The following SLC18A2 variants were observed in gnomAD, a reference collection of about 807,000 sequenced individuals.
The protein encoded by SLC18A2 is solute carrier family 18 member A2.
A neutral mutation model predicts 59.2 loss-of-function variants in SLC18A2; 33 were observed. The ratio of observed to expected loss-of-function variants is 0.56; its 90% CI spans 0.42 to 0.75. The LOEUF is 0.75. Ranked by LOEUF, SLC18A2 falls within the 30% of genes least tolerant of loss-of-function variation. The pLI, the probability that SLC18A2 is intolerant of heterozygous loss-of-function variation, is 0.00. For missense variants in SLC18A2, 569 were observed against 668.6 expected, an observed-to-expected ratio of 0.85 and a Z score of 1.64; for synonymous variants, 228 against 253.5, an observed-to-expected ratio of 0.90 and a Z score of 0.95.
chr10:117,268,098 A>C, intron 13 of SLC18A2: 1 of 201,198 alleles, frequency 5.0e-6, no homozygotes, highest in East Asian at 1.0e-4. Flanking sequence ...TCACATATGT[A>C]TTTTGAAGAG....
chr10:117,255,867 T>A (rs763585616), intron 9 of SLC18A2, among the ~76,000 whole-genome samples: 4 of 152,224 alleles, frequency 2.6e-5, no homozygotes, highest in African/African-American at 4.8e-5. Context: ...CCTTTTTGTC[T>A]CATTTGGGGA....
At chr10:117,245,831 G>A (rs895771602) in intron 3 of SLC18A2, among the ~76,000 whole-genome samples, 2 of 152,150 alleles carry the variant, frequency 1.3e-5, no homozygotes, top group Admixed American at 1.3e-4. Context: ...TCGGACAGGA[G>A]CACATTCTCA....
chr10:117,261,971 G>A (rs377631651), intron 10 of SLC18A2, among the ~76,000 whole-genome samples: 35 of 151,890 alleles, frequency 2.3e-4, no homozygotes, highest in African/African-American at 8.2e-4. Flanking sequence ...GCAGTGGCAC[G>A]ATCTCAGCTC....
chr10:117,278,812 G>A lies in SLC18A2; in HGVS notation c.*1546G>A, dbSNP rs771297399. On this transcript the variant is annotated 3_prime_UTR_variant, in exon 16 of 16. Transcript: ENST00000644641. ...TAAGTGCAGTGTGTTTGAAGCAAAC[G>A]AACTTCCAACTCACTTATTTGGCAT... The A allele has an allele frequency of 6.6e-6, 1 of 152,152 alleles. No homozygotes were observed. The highest frequency in any genetic ancestry group is 6.5e-5 in the Admixed American group (1 of 15,268). 9.4% of individuals were successfully genotyped at this position (152,152 alleles called of 1,614,324 possible).
Position 117,255,299 on chromosome 10 carries a change from G to C in SLC18A2, c.723G>C (p.Val241=), listed in dbSNP as rs1311600129. Residue 241 remains valine, a synonymous_variant, in exon 7 of 16, where the codon GTG becomes GTC. Transcript: ENST00000644641. ...CAGTGGGCCCCCCCTTCGGGAGTGT[G>C]CTCTATGAGTTTGTGGGGAAGACGG... is the stretch of plus-strand genomic sequence containing the variant. ...GVLVGPPFGS[V]LYEFVGKTAP... 2.5e-6 allele frequency: 4 copies of C among 1,614,244 alleles called. No homozygotes were observed. Among genetic ancestry groups the C allele is most frequent in the Non-Finnish European group, 3.4e-6 (4 of 1,180,038 alleles).
At position 117,244,282 on chromosome 10, in the gene SLC18A2, A is replaced by C. The variant is rs1316167239; in HGVS notation, c.433A>C (p.Thr145Pro). ...FASKATVQLI[T>P]NPFIGLLTNR... ...CTCGAAAGCCACCGTCCAGCTCATC[A>C]CCAACCCTTTCATAGGACTACTGAC... Residue 145 changes from threonine to proline, a missense_variant, in exon 3 of 16, where the codon ACC becomes CCC. Coordinates refer to ENST00000644641, the MANE Select transcript of SLC18A2 (RefSeq NM_003054.6). 6.2e-7 allele frequency: 1 copy of C among 1,614,124 alleles called. No individual in the cohort carries two copies. The highest frequency in any genetic ancestry group is 1.7e-5 in the Admixed American group (1 of 60,002).
At chr10:117,262,030 C>T (rs1179941690) in intron 10 of SLC18A2, among the ~76,000 whole-genome samples, 1 of 152,158 alleles carries the variant, frequency 6.6e-6, no homozygotes, top group Admixed American at 6.5e-5. Flanking sequence ...GCCTCAGCCT[C>T]CTGAGTAGCT....
intron 3 of SLC18A2, among the ~76,000 whole-genome samples, chr10:117,246,183 A>G (rs1565001472): frequency 1.3e-5 from 2 of 152,206 alleles, no homozygotes; most frequent in Non-Finnish European, 2.9e-5. Context: ...CAGCTCAAAT[A>G]TTGTATGTGA....
At chr10:117,243,897 A>T in intron 2 of SLC18A2, 74 bp from the exon 3 acceptor site, 2 of 1,233,450 alleles carry the variant, frequency 1.6e-6, no homozygotes, top group Non-Finnish European at 2.3e-6. Context: ...ACACAACCAT[A>T]GTTTTTTGCT....
intron 3 of SLC18A2, among the ~76,000 whole-genome samples, chr10:117,252,142 T>G (rs1478748482): frequency 7.8e-6 from 1 of 128,320 alleles, no homozygotes; most frequent in African/African-American, 3.8e-5. Flanking sequence ...GTATTTTTTT[T>G]TTTTTTTTTT....
At chr10:117,254,679 G>C (rs564279507) in intron 6 of SLC18A2, among the ~76,000 whole-genome samples, 182 bp downstream of exon 6, 1 of 152,152 alleles carries the variant, frequency 6.6e-6, no homozygotes, top group Non-Finnish European at 1.5e-5. Flanking sequence ...TGAGCTGGGG[G>C]TGGAGGGGAT....
intron 3 of SLC18A2, among the ~76,000 whole-genome samples, chr10:117,250,524 A>G (rs1844151877): frequency 6.6e-6 from 1 of 152,258 alleles, no homozygotes; most frequent in Admixed American, 6.5e-5. Flanking sequence ...AAGAAAACAC[A>G]GTACCTCAAA....
rs374132735 is a variant in SLC18A2, at chr10:117,244,012, A to C, written c.163A>C (p.Lys55Gln). ...PSYLYSIKHE[K>Q]NATEIQTARP... ...TTATCTGTACAGCATTAAGCATGAGAAGAATGCTACAGAAATCCAGACGGC... is the reference window on the plus strand; with the variant it reads ...TTATCTGTACAGCATTAAGCATGAGCAGAATGCTACAGAAATCCAGACGGC... Residue 55 changes from lysine to glutamine, a missense_variant, in exon 3 of 16, where the codon AAG becomes CAG. Physicochemically the swap from Lys to Gln is moderately conservative, Grantham distance 53. Coordinates refer to ENST00000644641, the MANE Select transcript of SLC18A2 (RefSeq NM_003054.6). 8 of 1,613,948 alleles carry C rather than the reference A, an allele frequency of 5.0e-6. No homozygotes were observed. Among genetic ancestry groups the C allele is most frequent in the Admixed American group, 1.7e-5 (1 of 59,994 alleles).
chr10:117,250,316 T>G (rs1175020327), intron 3 of SLC18A2, among the ~76,000 whole-genome samples: 1 of 152,200 alleles, frequency 6.6e-6, no homozygotes. Flanking sequence ...AGCCTGGTTG[T>G]ATCTGAAGCC....
At chr10:117,268,646 A>C (rs1589984750) in intron 13 of SLC18A2, 1 of 152,480 alleles carries the variant, frequency 6.6e-6, no homozygotes, top group African/African-American at 2.4e-5. Flanking sequence ...CTTGTCCCTC[A>C]CCACTCAGCA....
At chr10:117,273,802 C>T (rs956299631) in intron 15 of SLC18A2, among the ~76,000 whole-genome samples, 1 of 152,124 alleles carries the variant, frequency 6.6e-6, no homozygotes, top group South Asian at 2.1e-4. Context: ...GGTTCACTAC[C>T]CCAGCTTTGT....
At chr10:117,274,997 C>T (rs1386635533) in intron 15 of SLC18A2, among the ~76,000 whole-genome samples, 1 of 152,144 alleles carries the variant, frequency 6.6e-6, no homozygotes, top group African/African-American at 2.4e-5. Context: ...GAGGACAGGG[C>T]CCTCAAATTT....
Position 117,278,141 on chromosome 10 carries a change from A to C in SLC18A2, c.*875A>C, listed in dbSNP as rs1210959299. Reference sequence around the variant, plus strand: ...TCGCCATCTACTTCAAGTTTTAGAAAAGGAAACAAGAAGCTGAAAACAGCT... The same window carrying C: ...TCGCCATCTACTTCAAGTTTTAGAACAGGAAACAAGAAGCTGAAAACAGCT... On this transcript the variant is annotated 3_prime_UTR_variant, in exon 16 of 16. Coordinates refer to ENST00000644641, the MANE Select transcript of SLC18A2 (RefSeq NM_003054.6). 2.6e-5 allele frequency: 4 copies of C among 152,338 alleles called. No homozygotes were observed. In the East Asian group the frequency reaches 7.7e-4, roughly 29 times the overall value. 9.4% of individuals were successfully genotyped at this position (152,338 alleles called of 1,614,324 possible). A position where few individuals can be genotyped will look rare whatever the true frequency, so the allele number is the denominator to read the frequency against.
In SLC18A2 at chr10:117,244,067, A is replaced by G; in HGVS notation, c.218A>G (p.Asp73Gly). The part of the protein sequence containing the change: ...ARPVHTASIS[D>G]SFQSIFSYYD... ...CCAGTGCACACTGCCTCCATCTCAG[A>G]CAGCTTCCAGAGCATCTTCTCCTAT... Residue 73 changes from aspartate (D) to glycine (G), a missense_variant, in exon 3 of 16, where the codon GAC (aspartate) becomes GGC (glycine). By Grantham distance (94) the Asp-to-Gly change is moderately conservative. This residue lies in a region of SLC18A2 where 377 missense variants were observed against 389.8 expected (regional missense o/e 0.97). Transcript: ENST00000644641. 6.2e-7 allele frequency: 1 copy of G among 1,614,218 alleles called. No individual in the cohort carries two copies. The highest frequency in any genetic ancestry group is 1.1e-5 in the South Asian group (1 of 91,070).
Sources: allele counts gnomAD v4.1 joint callset (sites outside exome capture counted in the v4.1 genomes callset), GRCh38; gene constraint gnomAD v4.1.1; regional missense constraint gnomAD v4.1.1; transcripts MANE v1.5; gene names NCBI Gene and HGNC (gene_info 2026-07-23, HGNC 2026-07-21).